The following OSBPL10 variants were observed in gnomAD, a reference collection of about 807,000 sequenced individuals.
OSBPL10 encodes oxysterol-binding protein-related protein 10.
OSBPL10 carries 49 observed loss-of-function variants against 81.7 expected under a neutral mutation model. The ratio of observed to expected loss-of-function variants is 0.60; its 90% CI spans 0.48 to 0.76. OSBPL10 has a LOEUF of 0.76. Among genes scored for constraint, OSBPL10 ranks in the 30% least tolerant of loss-of-function variants. The pLI is 0.00. For missense variants in OSBPL10, 923 were observed against 987.8 expected (o/e 0.93, Z 0.88); for synonymous variants, 419 against 383.6 (o/e 1.09, Z -1.08).
chr3:31,883,976 C>T (rs1430309001), intron 1 of OSBPL10, among the ~76,000 whole-genome samples: 1 of 152,190 alleles, frequency 6.6e-6, no homozygotes, highest in African/African-American at 2.4e-5. Context: ...CCGCTCCTAC[C>T]AACTTATCCA....
At chr3:31,919,851 T>A (rs1316666857) in intron 1 of OSBPL10, among the ~76,000 whole-genome samples, 2 of 152,210 alleles carry the variant, frequency 1.3e-5, no homozygotes, top group African/African-American at 2.4e-5. Flanking sequence ...AAGACTAGAA[T>A]GAAAGCACTT....
intron 1 of OSBPL10, among the ~76,000 whole-genome samples, chr3:31,885,282 C>A (rs1695700847): frequency 6.6e-6 from 1 of 152,180 alleles, no homozygotes; most frequent in Non-Finnish European, 1.5e-5. Context: ...CATGCTTACA[C>A]ATGTTCACAC....
At chr3:31,773,870 A>C (rs755068900) in intron 4 of OSBPL10, among the ~76,000 whole-genome samples, 3 of 152,208 alleles carry the variant, frequency 2.0e-5, no homozygotes, top group Non-Finnish European at 4.4e-5. Context: ...ATACATTACA[A>C]ATATACATAA....
intron 3 of OSBPL10, among the ~76,000 whole-genome samples, chr3:31,875,520 A>G (rs889173460): frequency 6.6e-6 from 1 of 151,080 alleles, no homozygotes; most frequent in African/African-American, 2.4e-5. Flanking sequence ...AAGTGCCACT[A>G]TCCTAAGCAA....
At chr3:32,058,513 G>A (rs1575094161) in intron 1 of OSBPL10, among the ~76,000 whole-genome samples, 1 of 152,138 alleles carries the variant, frequency 6.6e-6, no homozygotes, top group Non-Finnish European at 1.5e-5. Flanking sequence ...TTTCAGTAGA[G>A]ATGGGGTTTC....
chr3:31,914,523 A>G (rs575373323), intron 1 of OSBPL10, among the ~76,000 whole-genome samples: 2 of 152,304 alleles, frequency 1.3e-5, no homozygotes, highest in South Asian at 4.2e-4. Flanking sequence ...CTAGCATTCC[A>G]TGGAACCCAC....
intron 1 of OSBPL10, among the ~76,000 whole-genome samples, chr3:31,915,107 C>T (rs1211050130): frequency 6.6e-6 from 1 of 152,092 alleles, no homozygotes; most frequent in East Asian, 1.9e-4. Flanking sequence ...CACTACCATG[C>T]CTGTTGTCTT....
At chr3:31,665,587 C>G (rs1256850669) in intron 10 of OSBPL10, among the ~76,000 whole-genome samples, 1 of 152,180 alleles carries the variant, frequency 6.6e-6, no homozygotes, top group Admixed American at 6.5e-5. Flanking sequence ...ACCCCAGCTG[C>G]ACACACACAA....
In OSBPL10 at chr3:31,735,443, A is replaced by C. The variant is rs117713791; in HGVS notation, c.941-2032T>G. ...TGACAATGAAAGACCCTGTTTCAAA[A>C]TAAATAAATTAATAAAGGTCCCAAG... On this transcript the variant is annotated intron_variant, in intron 5 of 11. Transcript: ENST00000396556. 4.8e-3 allele frequency among the ~76,000 whole-genome samples: 726 copies of C among 152,322 alleles called. 21 individuals are homozygous for C. The East Asian group carries it at 0.048, about 10-fold the overall frequency.
At chr3:31,716,454 G>A (rs1340348545) in intron 6 of OSBPL10, among the ~76,000 whole-genome samples, 1 of 152,000 alleles carries the variant, frequency 6.6e-6, no homozygotes, top group Non-Finnish European at 1.5e-5. Context: ...CCTGCTCCCC[G>A]AGGCCCTCCA....
In OSBPL10 at chr3:31,772,991, G is replaced by T. The variant is rs112461864; in HGVS notation, c.730-24871C>A. Among the ~76,000 whole-genome samples, 481 of 149,740 alleles carry T rather than the reference G, an allele frequency of 3.2e-3. 3 individuals carry two copies. The highest frequency in any genetic ancestry group is 0.011 in the African/African-American group (461 of 40,102). The stretch of plus-strand genomic sequence containing the variant: ...TTCACATTTCCTGATCCTGGGTAAC[G>T]TGACCAAACTTTTTTTTTTTTTTTT... On this transcript the variant is annotated intron_variant, in intron 4 of 11. Transcript: ENST00000396556.
chr3:31,677,611 G>A (rs1700511284), intron 8 of OSBPL10, among the ~76,000 whole-genome samples: 1 of 152,214 alleles, frequency 6.6e-6, no homozygotes, highest in African/African-American at 2.4e-5. Flanking sequence ...GCATCTGAGG[G>A]CCTCAGGAGA....
At chr3:32,011,170 G>A (rs1316290682) in intron 2 of OSBPL10, among the ~76,000 whole-genome samples, 1 of 152,206 alleles carries the variant, frequency 6.6e-6, no homozygotes, top group African/African-American at 2.4e-5. Flanking sequence ...CCCCCGAGTA[G>A]CCTAACTGGG....
In OSBPL10 at chr3:31,790,888, C is replaced by T. The variant is rs117335926; in HGVS notation, c.729+39152G>A. 5.8e-4 allele frequency among the ~76,000 whole-genome samples: 89 copies of T among 152,332 alleles called. 1 individual carries two copies. In the East Asian group the frequency reaches 0.016, roughly 28 times the overall value. On this transcript the variant is annotated intron_variant, in intron 4 of 11. Transcript: ENST00000396556. Reference sequence around the variant, plus strand: ...ATATGTGTCGGAAAGCCAGATGGTACAGAAGACACAGCTATGCTTGTTGGA... The same window carrying T: ...ATATGTGTCGGAAAGCCAGATGGTATAGAAGACACAGCTATGCTTGTTGGA...
At chr3:31,715,814 G>T (rs1449089286) in intron 6 of OSBPL10, among the ~76,000 whole-genome samples, 1 of 152,160 alleles carries the variant, frequency 6.6e-6, no homozygotes, top group Non-Finnish European at 1.5e-5. Flanking sequence ...TTTGTGCTGG[G>T]TGATGGATTT....
At chr3:31,988,436 G>A (rs550613151) in intron 2 of OSBPL10, among the ~76,000 whole-genome samples, 1 of 152,264 alleles carries the variant, frequency 6.6e-6, no homozygotes, top group South Asian at 2.1e-4. Flanking sequence ...GTAGACTGTA[G>A]TGATTTCAAA....
chr3:31,749,904 G>A (rs373031312), intron 4 of OSBPL10, among the ~76,000 whole-genome samples: 11 of 150,612 alleles, frequency 7.3e-5, no homozygotes, highest in African/African-American at 2.7e-4. Context: ...CTCCAGGCCG[G>A]GCATGGTGGC....
At chr3:31,908,290 G>A (rs1192795047) in intron 1 of OSBPL10, among the ~76,000 whole-genome samples, 2 of 152,158 alleles carry the variant, frequency 1.3e-5, no homozygotes, top group Non-Finnish European at 2.9e-5. Context: ...TCTGAGCAAA[G>A]ACATGACACT....
chr3:31,880,153 G>T (rs146157148), intron 1 of OSBPL10, among the ~76,000 whole-genome samples: 2 of 152,224 alleles, frequency 1.3e-5, no homozygotes, highest in African/African-American at 2.4e-5. Context: ...CAGAAGCATT[G>T]CAACACAGCC....
Sources: gnomAD v4.1 joint callset for allele counts (sites outside exome capture counted in the v4.1 genomes callset) on GRCh38, gnomAD v4.1.1 for gene constraint, MANE v1.5 for transcripts, NCBI Gene and HGNC (gene_info 2026-07-23, HGNC 2026-07-21) for gene names.